Variants in THBS2 observed in about 807,000 individuals in gnomAD.
THBS2 encodes thrombospondin-2.
THBS2 carries 47 observed loss-of-function variants against 135.2 expected under a neutral mutation model. That is an observed-to-expected ratio of 0.35 (90% confidence interval 0.28 to 0.44). The LOEUF (loss-of-function observed/expected upper bound fraction) is 0.44, where lower values mean the gene tolerates loss of function less well. THBS2 is among the 20% of genes least tolerant of loss of function. The pLI is 1.00. For missense variants in THBS2, 1,288 were observed against 1,603.1 expected (o/e 0.80, Z 3.36); for synonymous variants, 639 against 633.8 (o/e 1.01, Z -0.12).
rs1252463358 is a variant in THBS2, at chr6:169,218,732, ATAGG to A, written c.3512-907_3512-904del. Among the ~76,000 whole-genome samples, 70 of 111,958 alleles carry A rather than the reference ATAGG, an allele frequency of 6.3e-4. 2 individuals are homozygous for A. Among genetic ancestry groups the A allele is most frequent in the African/African-American group, 1.3e-3 (37 of 28,462 alleles). 73.4% of individuals were successfully genotyped at this position (111,958 alleles called of 152,430 possible). ...TGAGACAGGTGGATGGATGGATGAG[ATAGG>A]TGGGTGGATGAGATGGATGGATGGG... On this transcript the variant is annotated intron_variant, in intron 21 of 21. Coordinates refer to ENST00000617924, the MANE Select transcript of THBS2 (RefSeq NM_003247.5).
chr6:169,223,007 T>C (rs1367754514), intron 18 of THBS2, among the ~76,000 whole-genome samples: 1 of 152,114 alleles, frequency 6.6e-6, no homozygotes, highest in Non-Finnish European at 1.5e-5. Flanking sequence ...TGAGGTCCCA[T>C]TTCATAGACC....
chr6:169,240,706 A>G, intron 5 of THBS2, 114 bp from the exon 6 acceptor site: 1 of 1,298,938 alleles, frequency 7.7e-7, no homozygotes, highest in Non-Finnish European at 1.0e-6. Context: ...AAAGTCAAGT[A>G]AGACTTGACT....
In THBS2 at chr6:169,216,976, T is replaced by G. The variant is rs1779193102; in HGVS notation, c.*846A>C. 6.6e-6 allele frequency: 1 copy of G among 152,240 alleles called. No homozygotes were observed. Among genetic ancestry groups the G allele is most frequent in the South Asian group, 2.1e-4 (1 of 4,834 alleles). 9.4% of individuals were successfully genotyped at this position (152,240 alleles called of 1,614,324 possible). ...TCTGGTTCCTCTCAGGCAGCAAAGC[T>G]GGGGAAGGAAGCTCAGGCAGGAGCC... On this transcript the variant is annotated 3_prime_UTR_variant, in exon 22 of 22. Coordinates refer to ENST00000617924, the MANE Select transcript of THBS2 (RefSeq NM_003247.5).
chr6:169,237,140 C>A, intron 9 of THBS2, 30 bp downstream of exon 9: 2 of 1,577,624 alleles, frequency 1.3e-6, no homozygotes, highest in Non-Finnish European at 8.6e-7. Flanking sequence ...CAAGCCCGCC[C>A]ACCCAGGGCC....
chr6:169,248,292 T>C, intron 3 of THBS2, 125 bp downstream of exon 3: 1 of 1,120,736 alleles, frequency 8.9e-7, no homozygotes, highest in Non-Finnish European at 1.3e-6. Context: ...TGCCGGGATG[T>C]GCAGTGTGCT....
intron 21 of THBS2, among the ~76,000 whole-genome samples, chr6:169,219,547 G>T (rs957932337): frequency 5.9e-5 from 9 of 152,172 alleles, no homozygotes; most frequent in Non-Finnish European, 1.0e-4. Context: ...GTTTTGCCCT[G>T]TTGGCCAGGC....
rs374399600 is a variant in THBS2, at chr6:169,228,249, C to T, written c.2292G>A (p.Gln764=). Residue 764 remains glutamine, a synonymous_variant, in exon 15 of 22, where the codon CAG becomes CAA. Coordinates refer to ENST00000617924, the MANE Select transcript of THBS2 (RefSeq NM_003247.5). Reference sequence around the variant, plus strand: ...CAACCTCATCCTTGTCATAGTCAGCCTGGCGGGGATTGAAGAGGAGCTGGC... The same window carrying T: ...CAACCTCATCCTTGTCATAGTCAGCTTGGCGGGGATTGAAGAGGAGCTGGC... The part of the protein sequence containing the change: ...DNCQLLFNPR[Q]ADYDKDEVGD... The T allele has an allele frequency of 1.5e-5, 25 of 1,614,066 alleles. No individual in the cohort carries two copies. Among genetic ancestry groups the T allele is most frequent in the Non-Finnish European group, 1.9e-5 (23 of 1,180,050 alleles).
At chr6:169,232,637 C>A (rs1779885915) in intron 12 of THBS2, 27 bp downstream of exon 12, 1 of 1,570,792 alleles carries the variant, frequency 6.4e-7, no homozygotes, top group South Asian at 1.2e-5. Context: ...CCGCTCGCAA[C>A]ACACAAGGAA....
chr6:169,248,687 G>C lies in THBS2; in HGVS notation c.339C>G (p.Phe113Leu). Residue 113 changes from phenylalanine to leucine, a missense_variant, in exon 3 of 22, where the codon TTC becomes TTG. Phe to Leu is a conservative substitution (Grantham distance 22). Around this residue, in one of 2 missense-constraint regions of THBS2, gnomAD observed 414 missense variants for 447.0 expected, o/e 0.93. Coordinates refer to ENST00000617924, the MANE Select transcript of THBS2 (RefSeq NM_003247.5). ...LEGPGLSQRQ[F>L]EIVSNGPADT... ...CCGCGGGGCCGTTGGAGACGATCTC[G>C]AACTGCCTCTGGGAGAGACCGGGGC... 6.2e-7 allele frequency: 1 copy of C among 1,613,824 alleles called. No individual in the cohort carries two copies. The highest frequency in any genetic ancestry group is 8.5e-7 in the Non-Finnish European group (1 of 1,179,906).
chr6:169,233,975 G>C (rs1779944463), intron 10 of THBS2, among the ~76,000 whole-genome samples: 2 of 148,528 alleles, frequency 1.3e-5, no homozygotes, highest in East Asian at 4.0e-4. Flanking sequence ...ATAACTACAT[G>C]CAAGGTGACA....
chr6:169,218,359 T>TG (rs754040329), intron 21 of THBS2, among the ~76,000 whole-genome samples: 5 of 131,956 alleles, frequency 3.8e-5, no homozygotes, highest in Non-Finnish European at 6.4e-5. Flanking sequence ...TGAGATGAAT[T>TG]GATGGATGGA....
At chr6:169,227,363 C>T (rs1467606217) in intron 15 of THBS2, among the ~76,000 whole-genome samples, 3 of 152,182 alleles carry the variant, frequency 2.0e-5, no homozygotes, top group South Asian at 2.1e-4. Flanking sequence ...TTGCAGAGCT[C>T]GCTTACCAAG....
chr6:169,243,247 A>C (rs1485780402), intron 4 of THBS2, among the ~76,000 whole-genome samples: 1 of 151,798 alleles, frequency 6.6e-6, no homozygotes, highest in Non-Finnish European at 1.5e-5. Flanking sequence ...CTGAAGCCCT[A>C]GATCGTGGGA....
rs1779171342 is a variant in THBS2 at position 169,216,368 on chromosome 6, A to ATGAG, written c.*1450_*1453dup. ...TACTAAACCCCTTATGTGGAGTGGG[A>ATGAG]TGAGTGACTATTTCCTGCAGAAAGA... On this transcript the variant is annotated 3_prime_UTR_variant, in exon 22 of 22. Coordinates refer to ENST00000617924, the MANE Select transcript of THBS2 (RefSeq NM_003247.5). The ATGAG allele has an allele frequency of 6.6e-6, 1 of 152,186 alleles. No homozygotes were observed. The highest frequency in any genetic ancestry group is 2.1e-4 in the South Asian group (1 of 4,820). 9.4% of individuals were successfully genotyped at this position (152,186 alleles called of 1,614,324 possible). A position where few individuals can be genotyped will look rare whatever the true frequency, so the allele number is the denominator to read the frequency against.
chr6:169,243,144 A>G (rs1583419134), intron 4 of THBS2, among the ~76,000 whole-genome samples: 1 of 94,484 alleles, frequency 1.1e-5, no homozygotes, highest in Non-Finnish European at 2.2e-5. Context: ...CACCGCTCCC[A>G]CCTTCCCACC....
At chr6:169,246,031 T>C (rs1780543528) in intron 4 of THBS2, 166 bp downstream of exon 4, 1 of 477,254 alleles carries the variant, frequency 2.1e-6, no homozygotes, top group East Asian at 2.9e-5. Flanking sequence ...CATGTCTAAG[T>C]TGACCAGCTA....
At chr6:169,222,794 C>CA (rs67630546) in intron 18 of THBS2, among the ~76,000 whole-genome samples, 201 of 133,852 alleles carry the variant, frequency 1.5e-3, no homozygotes, top group Non-Finnish European at 2.5e-3. Flanking sequence ...GACTCCATCT[C>CA]AAAAAAAAAA....
chr6:169,240,136 T>C (rs1343755876), intron 6 of THBS2, among the ~76,000 whole-genome samples: 1 of 152,240 alleles, frequency 6.6e-6, no homozygotes, highest in African/African-American at 2.4e-5. Flanking sequence ...TCAGGCTCTG[T>C]TGGAACCGGA....
At chr6:169,237,555 G>GCTCT in intron 8 of THBS2, 70 bp downstream of exon 8, 1 of 1,598,656 alleles carries the variant, frequency 6.3e-7, no homozygotes, top group Non-Finnish European at 8.5e-7. Context: ...CCCTTGCAAA[G>GCTCT]GTCCCGATGA....
Sources: allele counts gnomAD v4.1 joint callset (sites outside exome capture counted in the v4.1 genomes callset), GRCh38; gene constraint gnomAD v4.1.1; regional missense constraint gnomAD v4.1.1; transcripts MANE v1.5; gene names NCBI Gene and HGNC (gene_info 2026-07-23, HGNC 2026-07-21).